The following USP7 variants were observed in gnomAD, a reference collection of about 807,000 sequenced individuals.
USP7 encodes the protein ubiquitin specific peptidase 7.
In USP7, 9 loss-of-function variants were observed where a neutral mutation model predicts 162.9. That is an observed-to-expected ratio of 0.06 (90% CI 0.03 to 0.10). USP7 has a LOEUF of 0.10. Ranked by LOEUF, USP7 falls within the 10% of genes least tolerant of loss-of-function variation. USP7 has a pLI of 1.00. For synonymous variants in USP7, 562 were observed against 475.9 expected (o/e 1.18, Z -2.35); for missense variants, 715 against 1,373.7 (o/e 0.52, Z 7.58).
At chr16:8,955,871 C>A (rs904552428) in intron 1 of USP7, among the ~76,000 whole-genome samples, 15 of 152,118 alleles carry the variant, frequency 9.9e-5, no homozygotes, top group African/African-American at 3.6e-4. Context: ...CCTACACATT[C>A]AGAGGAATGC....
Position 8,901,047 on chromosome 16 carries a change from G to A in USP7, c.2151C>T (p.Leu717=), listed in dbSNP as rs1188046889. 4 of 1,613,984 alleles carry A rather than the reference G, an allele frequency of 2.5e-6. No homozygotes were observed. The highest frequency in any genetic ancestry group is 3.4e-6 in the Non-Finnish European group (4 of 1,180,014). Reference sequence around the variant, plus strand: ...ATCCTGCTCTGTCACACATAACTGGGAGCAAGTCACCTAGGAGAAAGAAGA... The same window carrying A: ...ATCCTGCTCTGTCACACATAACTGGAAGCAAGTCACCTAGGAGAAAGAAGA... ...TPISCKIRDL[L]PVMCDRAGFI... The change falls in exon 20 of 31, where the codon CTC becomes CTT. Residue 717 remains leucine, a synonymous_variant. Transcript: ENST00000344836.
intron 3 of USP7, among the ~76,000 whole-genome samples, chr16:8,922,700 A>C (rs945369476): frequency 2.6e-5 from 4 of 152,218 alleles, no homozygotes; most frequent in African/African-American, 9.6e-5. Flanking sequence ...AGGGTGAATT[A>C]ATTTTCTAAT....
intron 1 of USP7, among the ~76,000 whole-genome samples, chr16:8,955,508 G>A (rs1433681053): frequency 6.6e-6 from 1 of 152,108 alleles, no homozygotes; most frequent in Non-Finnish European, 1.5e-5. Context: ...AGCTCATGAG[G>A]TCAGGCCTGG....
chr16:8,920,000 C>A (rs932557125), intron 5 of USP7, among the ~76,000 whole-genome samples: 1 of 152,188 alleles, frequency 6.6e-6, no homozygotes, highest in Non-Finnish European at 1.5e-5. Context: ...TCCTCACACT[C>A]GGAGAGGACT....
chr16:8,894,537 G>GGC lies in USP7; in HGVS notation c.3202+12_3202+13insGC, dbSNP rs1555460984. 6.2e-7 allele frequency: 1 copy of GGC among 1,610,316 alleles called. No individual in the cohort carries two copies. The highest frequency in any genetic ancestry group is 8.5e-7 in the Non-Finnish European group (1 of 1,179,746). On this transcript the variant is annotated intron_variant, in intron 30 of 30. Transcript: ENST00000344836. ...AAACCCACACCAGCCCCCGGGGGGG[G>GGC]GAGAACCCTTACCGGGCTGTGGCTC...
At chr16:8,930,846 G>A (rs979228075) in intron 1 of USP7, among the ~76,000 whole-genome samples, 2 of 151,982 alleles carry the variant, frequency 1.3e-5, no homozygotes, top group Non-Finnish European at 1.5e-5. Context: ...GCGCATGCCC[G>A]CAATCCCAAC....
At chr16:8,935,491 G>A (rs758781731) in intron 1 of USP7, among the ~76,000 whole-genome samples, 1 of 152,192 alleles carries the variant, frequency 6.6e-6, no homozygotes, top group African/African-American at 2.4e-5. Context: ...GATTACAGGC[G>A]TGGGCCACCA....
chr16:8,958,891 G>C (rs2141268921), intron 1 of USP7, among the ~76,000 whole-genome samples: 1 of 152,334 alleles, frequency 6.6e-6, no homozygotes, highest in South Asian at 2.1e-4. Flanking sequence ...GAACAGCATT[G>C]CTTAGGCAGA....
intron 1 of USP7, among the ~76,000 whole-genome samples, chr16:8,935,384 G>T (rs1235281338): frequency 6.6e-6 from 1 of 151,994 alleles, no homozygotes; most frequent in African/African-American, 2.4e-5. Flanking sequence ...TAATTTGTCT[G>T]TATTTTTGTA....
intron 1 of USP7, among the ~76,000 whole-genome samples, chr16:8,930,613 C>CTA (rs1012615299): frequency 4.7e-4 from 71 of 152,278 alleles, no homozygotes; most frequent in African/African-American, 1.6e-3. Context: ...TGAAAACATG[C>CTA]TATACCACAC....
At chr16:8,926,936 C>T (rs954542778) in intron 2 of USP7, among the ~76,000 whole-genome samples, 2 of 152,244 alleles carry the variant, frequency 1.3e-5, no homozygotes, top group African/African-American at 4.8e-5. Context: ...TTACCTACAG[C>T]ACGAAGTTCC....
At chr16:8,954,833 G>A (rs533645854) in intron 1 of USP7, among the ~76,000 whole-genome samples, 1 of 152,066 alleles carries the variant, frequency 6.6e-6, no homozygotes, top group South Asian at 2.1e-4. Flanking sequence ...GGTGAGGGGC[G>A]CCTGTAGTCC....
At chr16:8,921,111 A>G in intron 4 of USP7, 46 bp downstream of exon 4, 1 of 1,574,000 alleles carries the variant, frequency 6.4e-7, no homozygotes, top group Non-Finnish European at 8.6e-7. Flanking sequence ...AGGGAACAAC[A>G]AGCAGTAATG....
chr16:8,910,580 C>A (rs564960730), intron 11 of USP7, among the ~76,000 whole-genome samples, 165 bp downstream of exon 11: 1 of 150,726 alleles, frequency 6.6e-6, no homozygotes, highest in African/African-American at 2.5e-5. Context: ...CTCCCAACAT[C>A]CCCCTCTCCC....
intron 26 of USP7, among the ~76,000 whole-genome samples, chr16:8,896,137 CT>C (rs60467243): frequency 0.27 from 33,551 of 126,084 alleles, 4,306 homozygotes; most frequent in Admixed American, 0.33. Context: ...CCATGCCCAG[CT>C]TTTTTTTTTT....
At chr16:8,930,970 A>C (rs993191821) in intron 1 of USP7, among the ~76,000 whole-genome samples, 2 of 89,162 alleles carry the variant, frequency 2.2e-5, no homozygotes, top group African/African-American at 5.7e-5. Context: ...CTCAGTCTCA[A>C]ATTAAAAAAA....
intron 1 of USP7, among the ~76,000 whole-genome samples, chr16:8,951,025 CT>C (rs2141261463): frequency 6.6e-6 from 1 of 152,298 alleles, no homozygotes; most frequent in African/African-American, 2.4e-5. Flanking sequence ...ATTCACAGCT[CT>C]TGTGCATTGT....
chr16:8,922,961 T>C (rs1307338959), intron 3 of USP7, among the ~76,000 whole-genome samples: 1 of 152,244 alleles, frequency 6.6e-6, no homozygotes, highest in Non-Finnish European at 1.5e-5. Context: ...GGTGGCTCAA[T>C]GGTCAGCTAA....
At chr16:8,919,460 G>T (rs898343348) in intron 5 of USP7, among the ~76,000 whole-genome samples, 9 of 151,976 alleles carry the variant, frequency 5.9e-5, no homozygotes, top group Non-Finnish European at 1.3e-4. Context: ...GGTAGAGTTT[G>T]GTTACATAAT....
Sources: allele counts gnomAD v4.1 joint callset (sites outside exome capture counted in the v4.1 genomes callset), GRCh38; gene constraint gnomAD v4.1.1; transcripts MANE v1.5; gene names NCBI Gene and HGNC (gene_info 2026-07-23, HGNC 2026-07-21).